CPPED1: variants seen among roughly 807,000 people sequenced by gnomAD.
CPPED1 encodes the protein calcineurin like phosphoesterase domain containing 1, also known as serine/threonine-protein phosphatase CPPED1.
CPPED1 carries 28 observed loss-of-function variants against 28.0 expected under a neutral mutation model. The observed-to-expected ratio is 1.00, with a 90% CI of 0.74 to 1.37. The LOEUF (loss-of-function observed/expected upper bound fraction) is 1.37, where lower values mean the gene tolerates loss of function less well. Ranked by LOEUF, CPPED1 falls within the 40% of genes most tolerant of loss-of-function variation. The probability of loss-of-function intolerance (pLI) is 0.00; values close to 1 mark genes in which losing one functional copy is unlikely to be tolerated. For missense variants in CPPED1, 504 were observed against 416.5 expected (o/e 1.21, Z -1.83); for synonymous variants, 198 against 180.2 (o/e 1.10, Z -0.79).
At chr16:12,793,331 A>G (rs1387908716) in intron 1 of CPPED1, among the ~76,000 whole-genome samples, 3 of 152,132 alleles carry the variant, frequency 2.0e-5, no homozygotes, top group Non-Finnish European at 2.9e-5. Flanking sequence ...GGGGCACTGC[A>G]AGTACCCAGA....
At chr16:12,801,667 G>A (rs1448787121) in intron 1 of CPPED1, among the ~76,000 whole-genome samples, 1 of 152,098 alleles carries the variant, frequency 6.6e-6, no homozygotes, top group African/African-American at 2.4e-5. Context: ...GTTCATAACA[G>A]CACTGTTACC....
At chr16:12,783,346 A>C (rs1040129163) in intron 1 of CPPED1, among the ~76,000 whole-genome samples, 1 of 152,022 alleles carries the variant, frequency 6.6e-6, no homozygotes, top group African/African-American at 2.4e-5. Context: ...AAAAATACAA[A>C]AAATTAGCTG....
intron 2 of CPPED1, among the ~76,000 whole-genome samples, chr16:12,744,569 G>A (rs1432687618): frequency 1.3e-5 from 2 of 152,156 alleles, no homozygotes; most frequent in Non-Finnish European, 2.9e-5. Context: ...GGCCCTACAG[G>A]CGTCGGACTG....
intron 1 of CPPED1, among the ~76,000 whole-genome samples, chr16:12,790,974 T>C (rs992645371): frequency 1.3e-5 from 2 of 150,608 alleles, no homozygotes; most frequent in African/African-American, 4.9e-5. Context: ...TCTGTTTTTC[T>C]GGACATGTCC....
chr16:12,773,125 C>A (rs1017687761), intron 2 of CPPED1, among the ~76,000 whole-genome samples: 1 of 152,124 alleles, frequency 6.6e-6, no homozygotes, highest in Admixed American at 6.5e-5. Context: ...AAGACCCAAA[C>A]GAAAGAAGCC....
intron 2 of CPPED1, among the ~76,000 whole-genome samples, chr16:12,740,047 A>G (rs539016605): frequency 5.9e-5 from 9 of 152,154 alleles, no homozygotes; most frequent in Admixed American, 1.3e-4. Flanking sequence ...AAGAAAAGAA[A>G]AGAAAAGGAA....
intron 3 of CPPED1, among the ~76,000 whole-genome samples, chr16:12,677,169 A>G (rs574955321): frequency 6.6e-6 from 1 of 152,344 alleles, no homozygotes; most frequent in South Asian, 2.1e-4. Flanking sequence ...CTGACACCCA[A>G]CATCAAGAAA....
At position 12,779,324 on chromosome 16, in the gene CPPED1, T is replaced by G. The variant is rs371241983; in HGVS notation, c.289+1861A>C. Among the ~76,000 whole-genome samples the G allele has an allele frequency of 6.1e-4, 93 of 152,052 alleles. 1 individual carries two copies. The highest frequency in any genetic ancestry group is 2.1e-3 in the African/African-American group (88 of 41,474). On this transcript the variant is annotated intron_variant, in intron 2 of 3. Transcript: ENST00000381774. ...GCCTCAAACTCCTGGACTCAAGTGA[T>G]CCTCCCACTTTAGCCTCCTCAGTAG...
intron 2 of CPPED1, among the ~76,000 whole-genome samples, chr16:12,725,701 ATCTC>A (rs1209522968): frequency 6.6e-6 from 1 of 152,130 alleles, no homozygotes; most frequent in Non-Finnish European, 1.5e-5. Flanking sequence ...TCGTGTTCAA[ATCTC>A]TCTCAGTGAC....
At position 12,790,693 on chromosome 16, in the gene CPPED1, C is replaced by T. The variant is rs374284426; in HGVS notation, c.71-9290G>A. Reference sequence around the variant, plus strand: ...CCTAGCACTTTGGGAGGCCGAGTGGCGGGGCGGGGGTTGGATCATGAGGTC... The same window carrying T: ...CCTAGCACTTTGGGAGGCCGAGTGGTGGGGCGGGGGTTGGATCATGAGGTC... On this transcript the variant is annotated intron_variant, in intron 1 of 3. Transcript: ENST00000381774. Among the ~76,000 whole-genome samples the T allele has an allele frequency of 2.0e-5, 3 of 151,970 alleles. No individual in the cohort carries two copies. In the East Asian group the frequency reaches 5.8e-4, roughly 29 times the overall value.
At chr16:12,746,483 T>TG (rs56824912) in intron 2 of CPPED1, among the ~76,000 whole-genome samples, 76,329 of 151,722 alleles carry the variant, frequency 0.5, 20,000 homozygotes, top group South Asian at 0.61. Context: ...ATCAGCAGCC[T>TG]GGGGCTGGTT....
intron 1 of CPPED1, among the ~76,000 whole-genome samples, chr16:12,789,822 C>T (rs554815989): frequency 6.2e-4 from 94 of 152,262 alleles, no homozygotes; most frequent in Non-Finnish European, 1.1e-3. Flanking sequence ...CCACTGCATC[C>T]AGCCTGGTTG....
chr16:12,748,916 C>A (rs2080309243), intron 2 of CPPED1, among the ~76,000 whole-genome samples: 1 of 150,586 alleles, frequency 6.6e-6, no homozygotes, highest in African/African-American at 2.4e-5. Flanking sequence ...AGCATTATGT[C>A]TAAAAAAAAT....
chr16:12,683,632 T>C (rs924558255), intron 3 of CPPED1, among the ~76,000 whole-genome samples: 3 of 152,168 alleles, frequency 2.0e-5, no homozygotes, highest in African/African-American at 4.8e-5. Flanking sequence ...CCCAGGCATG[T>C]GGGAGTCACC....
chr16:12,743,389 C>T (rs898981762), intron 2 of CPPED1, among the ~76,000 whole-genome samples: 10 of 152,134 alleles, frequency 6.6e-5, no homozygotes, highest in South Asian at 2.1e-4. Context: ...AAAGAAAATA[C>T]AGTAGACTAT....
At chr16:12,744,294 G>GAAAGCA (rs1555488298) in intron 2 of CPPED1, among the ~76,000 whole-genome samples, 5 of 76,426 alleles carry the variant, frequency 6.5e-5, no homozygotes, top group East Asian at 3.8e-4. Flanking sequence ...GAGAGAGAGA[G>GAAAGCA]AGAAAGCAAG....
intron 2 of CPPED1, among the ~76,000 whole-genome samples, chr16:12,747,963 AC>A (rs2080301728): frequency 6.6e-6 from 1 of 152,218 alleles, no homozygotes; most frequent in African/African-American, 2.4e-5. Flanking sequence ...CCCGTCTCAC[AC>A]CCAAGAGACT....
intron 2 of CPPED1, among the ~76,000 whole-genome samples, chr16:12,772,221 C>A (rs376489774): frequency 6.6e-5 from 10 of 152,308 alleles, no homozygotes; most frequent in African/African-American, 2.4e-4. Flanking sequence ...GGACCTTGGT[C>A]TAGGCCTTGA....
chr16:12,716,114 T>C (rs878997459), intron 2 of CPPED1, among the ~76,000 whole-genome samples: 11 of 152,342 alleles, frequency 7.2e-5, no homozygotes, highest in Middle Eastern at 3.4e-3. Flanking sequence ...AGCTTTATTC[T>C]GCTTAAATGA....
Sources: allele counts gnomAD v4.1 joint callset (sites outside exome capture counted in the v4.1 genomes callset), GRCh38; gene constraint gnomAD v4.1.1; transcripts MANE v1.5; gene names NCBI Gene and HGNC (gene_info 2026-07-23, HGNC 2026-07-21).